The following RIMS2 variants were observed in gnomAD, a reference collection of about 807,000 sequenced individuals.
RIMS2 encodes regulating synaptic membrane exocytosis 2, also known as regulating synaptic membrane exocytosis protein 2.
A neutral mutation model predicts 174.4 loss-of-function variants in RIMS2; 59 were observed. The ratio of observed to expected loss-of-function variants is 0.34; its 90% confidence interval spans 0.27 to 0.42. The LOEUF (loss-of-function observed/expected upper bound fraction) is 0.42. Among genes scored for constraint, RIMS2 ranks in the 10% least tolerant of loss-of-function variants. The pLI is 1.00. For missense variants in RIMS2, 1,620 were observed against 1,666.3 expected (o/e 0.97, Z 0.48); for synonymous variants, 606 against 572.5 (o/e 1.06, Z -0.84).
chr8:103,782,433 C>CGTGTGTGTGTGTGTGT (rs71297237), intron 3 of RIMS2, among the ~76,000 whole-genome samples: 1 of 145,736 alleles, frequency 6.9e-6, no homozygotes, highest in African/African-American at 2.5e-5. Context: ...ACATAAATCC[C>CGTGTGTGTGTGTGTGT]GTGTGTGTGT....
At chr8:104,154,960 T>C (rs1313570704) in intron 19 of RIMS2, among the ~76,000 whole-genome samples, 1 of 95,280 alleles carries the variant, frequency 1.0e-5, no homozygotes, top group Non-Finnish European at 2.3e-5. Flanking sequence ...ATAGTAGAGT[T>C]TACTTTTTTT....
At chr8:103,768,133 C>T (rs954738947) in intron 3 of RIMS2, 3 of 302,028 alleles carry the variant, frequency 9.9e-6, no homozygotes, top group Admixed American at 9.2e-5. Context: ...GAAAGTTCCC[C>T]AAATGGCAGT....
At position 104,076,138 on chromosome 8, in the gene RIMS2, G is replaced by A. The variant is rs1174253683; in HGVS notation, c.3334+61523G>A. Among the ~76,000 whole-genome samples the A allele has an allele frequency of 3.9e-5, 6 of 152,212 alleles. No homozygotes were observed. The South Asian group carries it at 1.0e-3, about 26-fold the overall frequency. On this transcript the variant is annotated intron_variant, in intron 19 of 23. Coordinates refer to ENST00000504942, the Ensembl canonical transcript of RIMS2. ...AAGAGCAGCATTATATAATATAGCT[G>A]TAGAATTGCACGAGATGCTAATGGT...
intron 19 of RIMS2, among the ~76,000 whole-genome samples, chr8:104,049,380 G>A (rs1316486466): frequency 6.6e-6 from 1 of 152,066 alleles, no homozygotes; most frequent in South Asian, 2.1e-4. Context: ...AGCCGAGATC[G>A]CGCCACTGCA....
chr8:104,104,262 T>G (rs2097981817), intron 19 of RIMS2, among the ~76,000 whole-genome samples: 1 of 152,090 alleles, frequency 6.6e-6, no homozygotes. Context: ...ATGGACAAAT[T>G]AAAGGGTTGT....
At chr8:104,207,686 A>G (rs2137441337) in intron 19 of RIMS2, among the ~76,000 whole-genome samples, 1 of 152,040 alleles carries the variant, frequency 6.6e-6, no homozygotes, top group African/African-American at 2.4e-5. Flanking sequence ...GGTGGCAGGC[A>G]TCTGTAACCC....
rs371461616 is a variant in RIMS2, at chr8:103,965,178, C to A, written c.2770+4045C>A. 1.6e-4 allele frequency among the ~76,000 whole-genome samples: 24 copies of A among 152,248 alleles called. No homozygotes were observed. In the South Asian group the frequency reaches 3.5e-3, roughly 22 times the overall value. The stretch of plus-strand genomic sequence containing the variant: ...CATATGAGGTCTGGAATCTGGTTAT[C>A]AGACTCCACAAATTGATATGCTGAG... On this transcript the variant is annotated intron_variant, in intron 15 of 23. Transcript: ENST00000504942.
At chr8:103,596,800 A>G (rs1181811781) in intron 1 of RIMS2, among the ~76,000 whole-genome samples, 1 of 152,064 alleles carries the variant, frequency 6.6e-6, no homozygotes, top group Admixed American at 6.6e-5. Flanking sequence ...AAAAAAGAAT[A>G]AAAACCTATC....
chr8:103,732,961 G>A (rs2097626818), intron 2 of RIMS2, among the ~76,000 whole-genome samples: 1 of 152,086 alleles, frequency 6.6e-6, no homozygotes, highest in African/African-American at 2.4e-5. Flanking sequence ...GCAAGACAAA[G>A]TCCTTTTTAC....
At chr8:103,836,193 A>T (rs903176387) in intron 3 of RIMS2, among the ~76,000 whole-genome samples, 1 of 152,220 alleles carries the variant, frequency 6.6e-6, no homozygotes, top group African/African-American at 2.4e-5. Context: ...CCGTCACAGT[A>T]TAAGAAATGA....
At chr8:103,919,749 G>A (rs1469535958) in intron 9 of RIMS2, among the ~76,000 whole-genome samples, 1 of 152,098 alleles carries the variant, frequency 6.6e-6, no homozygotes, top group Non-Finnish European at 1.5e-5. Context: ...TCCTTTGAAT[G>A]CCATAGCTCT....
intron 19 of RIMS2, among the ~76,000 whole-genome samples, chr8:104,208,433 T>G (rs1554620785): frequency 6.6e-6 from 1 of 151,796 alleles, no homozygotes; most frequent in Non-Finnish European, 1.5e-5. Context: ...CCGGGCGCAA[T>G]GGCGGGCACC....
At chr8:103,588,141 C>T (rs2094062979) in intron 1 of RIMS2, among the ~76,000 whole-genome samples, 1 of 151,660 alleles carries the variant, frequency 6.6e-6, no homozygotes. Context: ...AAAAACAATT[C>T]TATTTACAAA....
intron 19 of RIMS2, among the ~76,000 whole-genome samples, chr8:104,072,199 G>GT (rs1243843048): frequency 6.6e-6 from 1 of 152,272 alleles, no homozygotes; most frequent in East Asian, 1.9e-4. Context: ...CAAAGAGAAA[G>GT]TTACAGAGGA....
intron 1 of RIMS2, among the ~76,000 whole-genome samples, chr8:103,644,845 T>A (rs2096295172): frequency 6.6e-6 from 1 of 151,934 alleles, no homozygotes; most frequent in African/African-American, 2.4e-5. Context: ...ATTTTGAAAT[T>A]GGAAACTGAT....
chr8:104,170,632 G>A (rs1366691501), intron 19 of RIMS2, among the ~76,000 whole-genome samples: 11 of 152,006 alleles, frequency 7.2e-5, no homozygotes, highest in Non-Finnish European at 1.0e-4. Context: ...TATCTTTTAA[G>A]TAGAGCCTTT....
chr8:104,013,722 T>TC, intron 18 of RIMS2, 101 bp downstream of exon 20: 2 of 908,086 alleles, frequency 2.2e-6, no homozygotes, highest in Non-Finnish European at 3.5e-6. Flanking sequence ...CTTTGGCTGA[T>TC]CACTAGTAAC....
At chr8:103,668,847 G>C (rs2096708980) in intron 1 of RIMS2, among the ~76,000 whole-genome samples, 2 of 151,906 alleles carry the variant, frequency 1.3e-5, no homozygotes, top group Non-Finnish European at 2.9e-5. Context: ...TGCCCAGCTA[G>C]AGCTTTTAAT....
At position 104,053,095 on chromosome 8, in the gene RIMS2, C is replaced by A. The variant is rs188026085; in HGVS notation, c.3334+38480C>A. Among the ~76,000 whole-genome samples, 17 of 152,164 alleles carry A rather than the reference C, an allele frequency of 1.1e-4. No individual in the cohort carries two copies. In the South Asian group the frequency reaches 3.1e-3, roughly 28 times the overall value. On this transcript the variant is annotated intron_variant, in intron 19 of 23. Coordinates refer to ENST00000504942, the Ensembl canonical transcript of RIMS2. ...TTGGCAAATAGGGTTTTTCTAGTAACCTTTGAGAGATATGTTTTACAATAT... is the reference window on the plus strand; with the variant it reads ...TTGGCAAATAGGGTTTTTCTAGTAAACTTTGAGAGATATGTTTTACAATAT...
Sources: allele counts gnomAD v4.1 joint callset (sites outside exome capture counted in the v4.1 genomes callset), GRCh38; gene constraint gnomAD v4.1.1; transcripts MANE v1.5; gene names NCBI Gene and HGNC (gene_info 2026-07-23, HGNC 2026-07-21).